Variants in TRIO observed in about 807,000 individuals in gnomAD.
TRIO encodes the protein triple functional domain protein.
A neutral mutation model predicts 351.9 loss-of-function variants in TRIO; 58 were observed. The observed-to-expected ratio is 0.16, with a 90% CI of 0.13 to 0.21. TRIO has a LOEUF of 0.21. TRIO is among the 10% of genes least tolerant of loss of function. TRIO has a pLI of 1.00. For synonymous variants in TRIO, 1,758 were observed against 1,595.7 expected, an observed-to-expected ratio of 1.10 and a Z score of -2.42; for missense variants, 3,201 against 4,027.8, an observed-to-expected ratio of 0.79 and a Z score of 5.56.
chr5:14,208,220 T>C (rs184546763), intron 1 of TRIO, among the ~76,000 whole-genome samples: 24 of 152,336 alleles, frequency 1.6e-4, no homozygotes, highest in Admixed American at 1.6e-3. Context: ...TACAGCCGTA[T>C]TACTCATAAT....
chr5:14,169,754 A>G (rs1788990917), intron 1 of TRIO, among the ~76,000 whole-genome samples: 1 of 152,248 alleles, frequency 6.6e-6, no homozygotes, highest in Non-Finnish European at 1.5e-5. Context: ...GATGGATTCA[A>G]ATCTACCTTT....
chr5:14,443,848 G>A (rs1220860579), intron 34 of TRIO, among the ~76,000 whole-genome samples: 6 of 152,208 alleles, frequency 3.9e-5, no homozygotes, highest in South Asian at 2.1e-4. Context: ...CTTTTATGAC[G>A]TTTCCAATGG....
intron 34 of TRIO, among the ~76,000 whole-genome samples, chr5:14,453,750 G>C (rs1356737554): frequency 1.3e-5 from 2 of 152,172 alleles, no homozygotes; most frequent in Admixed American, 6.5e-5. Flanking sequence ...GGTTTCCCCA[G>C]GCTGGAAAGG....
At chr5:14,379,474 C>A (rs1745877328) in intron 20 of TRIO, among the ~76,000 whole-genome samples, 2 of 152,340 alleles carry the variant, frequency 1.3e-5, no homozygotes, top group East Asian at 3.9e-4. Flanking sequence ...TGGCGCCCCA[C>A]CTTGGTCCTT....
At chr5:14,472,537 A>G (rs1392955681) in intron 38 of TRIO, 55 bp from the exon 39 acceptor site, 2 of 1,594,612 alleles carry the variant, frequency 1.3e-6, no homozygotes, top group South Asian at 1.1e-5. Flanking sequence ...GCAAAGGTAC[A>G]AAAAAATTCA....
chr5:14,353,930 A>T (rs1743377155), intron 11 of TRIO, among the ~76,000 whole-genome samples: 1 of 152,120 alleles, frequency 6.6e-6, no homozygotes, highest in East Asian at 1.9e-4. Flanking sequence ...CTTAAGTGTT[A>T]TTTTTGGTAG....
intron 1 of TRIO, among the ~76,000 whole-genome samples, chr5:14,170,773 G>A (rs1789053065): frequency 6.6e-6 from 1 of 152,058 alleles, no homozygotes; most frequent in Non-Finnish European, 1.5e-5. Context: ...CCAAAGTGCT[G>A]GGATTACAGG....
At chr5:14,209,655 G>C (rs1791760109) in intron 1 of TRIO, among the ~76,000 whole-genome samples, 1 of 152,206 alleles carries the variant, frequency 6.6e-6, no homozygotes, top group Admixed American at 6.5e-5. Flanking sequence ...CTCTCGAGCA[G>C]CGGTTGTTAG....
intron 37 of TRIO, among the ~76,000 whole-genome samples, chr5:14,468,164 G>T (rs1754411515): frequency 6.6e-6 from 1 of 152,138 alleles, no homozygotes; most frequent in Admixed American, 6.5e-5. Flanking sequence ...GTGGTCTGTG[G>T]CATGGTCAGT....
In TRIO at chr5:14,381,193, A is replaced by G; in HGVS notation, c.3511A>G (p.Ser1171Gly). 6.2e-7 allele frequency: 1 copy of G among 1,614,194 alleles called. No individual in the cohort carries two copies. The change falls in exon 21 of 57, where the codon AGT becomes GGT. Residue 1171 changes from serine to glycine, a missense_variant. Ser to Gly is a moderately conservative substitution (Grantham distance 56). Coordinates refer to ENST00000344204, the MANE Select transcript of TRIO (RefSeq NM_007118.4). The part of the protein sequence containing the change: ...YLSTHTSTGS[S>G]IQHTQELLKE... ...TTCCACACACACCTCCACGGGCTCC[A>G]GTATACAGCACACCCAGGAGCTCCT...
chr5:14,253,960 G>A (rs1794885241), intron 1 of TRIO, among the ~76,000 whole-genome samples: 1 of 151,574 alleles, frequency 6.6e-6, no homozygotes, highest in Non-Finnish European at 1.5e-5. Flanking sequence ...AAACAGCGCT[G>A]GCCTTCTTTC....
At chr5:14,235,778 A>G (rs928369006) in intron 1 of TRIO, among the ~76,000 whole-genome samples, 2 of 151,996 alleles carry the variant, frequency 1.3e-5, no homozygotes, top group Non-Finnish European at 2.9e-5. Context: ...TAGGGGATAT[A>G]GGCTTTTTGT....
chr5:14,475,239 C>T (rs980134854), intron 40 of TRIO, among the ~76,000 whole-genome samples: 1 of 152,160 alleles, frequency 6.6e-6, no homozygotes, highest in Non-Finnish European at 1.5e-5. Context: ...CTGTCTGCTC[C>T]GGTTACCTGG....
chr5:14,495,685 A>AAAG (rs1756841186), intron 49 of TRIO, among the ~76,000 whole-genome samples: 1 of 147,746 alleles, frequency 6.8e-6, no homozygotes, highest in African/African-American at 2.5e-5. Flanking sequence ...AAAAAAAAAA[A>AAAG]AGGCCAGGCG....
intron 1 of TRIO, among the ~76,000 whole-genome samples, chr5:14,184,581 GC>G (rs1387382296): frequency 3.3e-5 from 5 of 152,214 alleles, no homozygotes; most frequent in African/African-American, 1.2e-4. Flanking sequence ...AATTTCCCTT[GC>G]TAATTGTTTA....
intron 1 of TRIO, among the ~76,000 whole-genome samples, chr5:14,152,870 TAG>T (rs1369091428): frequency 6.6e-6 from 1 of 152,242 alleles, no homozygotes; most frequent in African/African-American, 2.4e-5. Context: ...GGCTTCACTG[TAG>T]AGTCATTTAG....
At chr5:14,212,850 A>G (rs1791989546) in intron 1 of TRIO, among the ~76,000 whole-genome samples, 3 of 152,198 alleles carry the variant, frequency 2.0e-5, no homozygotes, top group Admixed American at 1.3e-4. Context: ...ATATTTGTAT[A>G]GTACTCATAC....
At position 14,490,611 on chromosome 5, in the gene TRIO, G is replaced by GGCCAGT. The variant is rs1336471290; in HGVS notation, c.7633-1950_7633-1945dup. Among the ~76,000 whole-genome samples, 4 of 152,350 alleles carry GGCCAGT rather than the reference G, an allele frequency of 2.6e-5. No individual in the cohort carries two copies. In the East Asian group the frequency reaches 7.7e-4, roughly 29 times the overall value. ...CCTGCCTTTCTTGCACAGGCCAGGT[G>GGCCAGT]GCCAGTGCCAGCTCACTGACCTTCC... is the stretch of plus-strand genomic sequence containing the variant. On this transcript the variant is annotated intron_variant, in intron 48 of 56. Transcript: ENST00000344204.
chr5:14,436,950 G>A (rs1020534589), intron 34 of TRIO, among the ~76,000 whole-genome samples: 6 of 152,216 alleles, frequency 3.9e-5, no homozygotes, highest in African/African-American at 1.2e-4. Context: ...CATTCTGCGG[G>A]TCTGGAGGGT....
Sources: gnomAD v4.1 joint callset for allele counts (sites outside exome capture counted in the v4.1 genomes callset) on GRCh38, gnomAD v4.1.1 for gene constraint, MANE v1.5 for transcripts, NCBI Gene and HGNC (gene_info 2026-07-23, HGNC 2026-07-21) for gene names.